PHACTR1: variants seen among roughly 807,000 people sequenced by gnomAD.
PHACTR1 encodes the protein phosphatase and actin regulator 1.
PHACTR1 carries 16 observed loss-of-function variants against 69.2 expected under a neutral mutation model. That is an observed-to-expected ratio of 0.23 (90% CI 0.16 to 0.35). The LOEUF (loss-of-function observed/expected upper bound fraction) is 0.35. PHACTR1 is among the 10% of genes least tolerant of loss of function. PHACTR1 has a pLI of 1.00. For missense variants in PHACTR1, 510 were observed against 734.7 expected (o/e 0.69, Z 3.54); for synonymous variants, 312 against 284.5 (o/e 1.10, Z -0.97).
At chr6:12,891,480 C>A (rs1177232553) in intron 4 of PHACTR1, among the ~76,000 whole-genome samples, 2 of 152,082 alleles carry the variant, frequency 1.3e-5, no homozygotes, top group Non-Finnish European at 2.9e-5. Context: ...CATGAGGAAA[C>A]AAAGAAATGA....
chr6:13,227,034 C>A (rs1562027241), intron 8 of PHACTR1, among the ~76,000 whole-genome samples: 1 of 151,382 alleles, frequency 6.6e-6, no homozygotes, highest in East Asian at 1.9e-4. Context: ...CCACGCCCAG[C>A]AGTATAGCTT....
At chr6:12,866,990 T>G (rs2127434198) in intron 4 of PHACTR1, among the ~76,000 whole-genome samples, 1 of 152,306 alleles carries the variant, frequency 6.6e-6, no homozygotes, top group African/African-American at 2.4e-5. Context: ...CCCATTGTGT[T>G]TGCTAAGTTT....
At position 12,930,390 on chromosome 6, in the gene PHACTR1, G is replaced by C. The variant is rs936519569; in HGVS notation, c.251-122975G>C. ...TGGAGAACCTCTTTGGGGATACATG[G>C]AAAGAAAGAGAAGTTCCTAAGAGCT... On this transcript the variant is annotated intron_variant, in intron 4 of 14. Transcript: ENST00000332995. 2.0e-5 allele frequency among the ~76,000 whole-genome samples: 3 copies of C among 152,174 alleles called. 1 individual carries two copies. In the South Asian group the frequency reaches 6.2e-4, roughly 32 times the overall value.
At chr6:13,153,168 C>T (rs1757683246) in intron 5 of PHACTR1, among the ~76,000 whole-genome samples, 2 of 152,212 alleles carry the variant, frequency 1.3e-5, no homozygotes, top group Non-Finnish European at 2.9e-5. Context: ...GTCGGCAAGG[C>T]TCCGAGGTGT....
At chr6:12,769,661 T>C (rs1382629437) in intron 4 of PHACTR1, among the ~76,000 whole-genome samples, 6 of 152,182 alleles carry the variant, frequency 3.9e-5, no homozygotes, top group East Asian at 1.9e-4. Flanking sequence ...ACTGAGGAAA[T>C]GTTCACTGGC....
At chr6:13,096,308 G>T (rs892404953) in intron 5 of PHACTR1, among the ~76,000 whole-genome samples, 4 of 152,160 alleles carry the variant, frequency 2.6e-5, no homozygotes, top group Non-Finnish European at 5.9e-5. Context: ...TCATTCACAA[G>T]CCTCTCTAAA....
At chr6:12,944,805 C>T (rs1411306477) in intron 4 of PHACTR1, among the ~76,000 whole-genome samples, 4 of 134,762 alleles carry the variant, frequency 3.0e-5, no homozygotes, top group African/African-American at 9.2e-5. Flanking sequence ...TTTTTTGAGA[C>T]GGAGTCTGGC....
intron 5 of PHACTR1, among the ~76,000 whole-genome samples, chr6:13,060,847 GT>G (rs745645138): frequency 6.6e-6 from 1 of 152,186 alleles, no homozygotes; most frequent in Non-Finnish European, 1.5e-5. Context: ...CAGAACTGGA[GT>G]TTTGCCAGAT....
chr6:13,053,306 C>T, intron 4 of PHACTR1, 59 bp from the exon 5 acceptor site: 2 of 1,476,860 alleles, frequency 1.4e-6, no homozygotes, highest in Non-Finnish European at 1.8e-6. Context: ...ATCTGTGAGG[C>T]TCCCATTTTA....
At chr6:13,009,927 G>A (rs1799251576) in intron 4 of PHACTR1, among the ~76,000 whole-genome samples, 1 of 151,514 alleles carries the variant, frequency 6.6e-6, no homozygotes, top group Admixed American at 6.6e-5. Context: ...AACTTTCTCA[G>A]GGGACTCCTC....
intron 10 of PHACTR1, among the ~76,000 whole-genome samples, chr6:13,243,913 T>G (rs1489859622): frequency 6.6e-6 from 1 of 152,228 alleles, no homozygotes; most frequent in Admixed American, 6.5e-5. Context: ...TCAGTGTTAC[T>G]GCAAAGAACA....
At chr6:12,845,429 A>ACCCCCCCCCCCC (rs1214194071) in intron 4 of PHACTR1, among the ~76,000 whole-genome samples, 2 of 18,028 alleles carry the variant, frequency 1.1e-4, no homozygotes, top group African/African-American at 2.3e-4. Context: ...AACACCACCC[A>ACCCCCCCCCCCC]CCCCCCCCCC....
chr6:13,219,986 C>G (rs1050836024), intron 8 of PHACTR1, among the ~76,000 whole-genome samples: 9 of 152,258 alleles, frequency 5.9e-5, no homozygotes, highest in Non-Finnish European at 1.3e-4. Flanking sequence ...ACTGTGTTCT[C>G]AGAAACCTCA....
intron 10 of PHACTR1, among the ~76,000 whole-genome samples, chr6:13,235,749 G>A (rs1481418945): frequency 6.6e-6 from 1 of 152,136 alleles, no homozygotes; most frequent in Non-Finnish European, 1.5e-5. Context: ...TCCAAAACAT[G>A]ACCTATTTGT....
intron 4 of PHACTR1, among the ~76,000 whole-genome samples, chr6:12,988,369 G>A (rs1796436666): frequency 6.6e-6 from 1 of 152,146 alleles, no homozygotes; most frequent in Non-Finnish European, 1.5e-5. Context: ...AATTACCATG[G>A]GTAGGTAGCA....
At chr6:13,242,679 A>T (rs1773023207) in intron 10 of PHACTR1, among the ~76,000 whole-genome samples, 1 of 152,262 alleles carries the variant, frequency 6.6e-6, no homozygotes, top group Non-Finnish European at 1.5e-5. Context: ...AAAAAAATCA[A>T]CATTGCTTTT....
chr6:13,111,031 A>G (rs1444815157), intron 5 of PHACTR1, among the ~76,000 whole-genome samples: 2 of 152,156 alleles, frequency 1.3e-5, no homozygotes, highest in African/African-American at 4.8e-5. Context: ...GAATGGATAT[A>G]CCACAATTTA....
chr6:12,845,425 A>AACCCCC (rs1561938718), intron 4 of PHACTR1, among the ~76,000 whole-genome samples: 2 of 14,806 alleles, frequency 1.4e-4, no homozygotes, highest in African/African-American at 2.8e-4. Context: ...TGTGAACACC[A>AACCCCC]CCCACCCCCC....
chr6:12,890,290 C>T (rs1289307795), intron 4 of PHACTR1, among the ~76,000 whole-genome samples: 20 of 152,080 alleles, frequency 1.3e-4, no homozygotes, highest in Non-Finnish European at 4.4e-5. Flanking sequence ...GAAACTGGTA[C>T]CCTGGTGCCA....
Sources: allele counts gnomAD v4.1 joint callset (sites outside exome capture counted in the v4.1 genomes callset), GRCh38; gene constraint gnomAD v4.1.1; transcripts MANE v1.5; gene names NCBI Gene and HGNC (gene_info 2026-07-23, HGNC 2026-07-21).